CTSS: variants seen among roughly 807,000 people sequenced by gnomAD.
CTSS encodes cathepsin S.
A neutral mutation model predicts 39.9 loss-of-function variants in CTSS; 15 were observed. The ratio of observed to expected loss-of-function variants is 0.38; its 90% CI spans 0.25 to 0.58. The LOEUF is 0.58. Ranked by LOEUF, CTSS falls within the 20% of genes least tolerant of loss-of-function variation. CTSS has a pLI of 0.70. For synonymous variants in CTSS, 126 were observed against 138.2 expected, an observed-to-expected ratio of 0.91 and a Z score of 0.62; for missense variants, 250 against 398.2, an observed-to-expected ratio of 0.63 and a Z score of 3.17.
chr1:150,740,766 C>T (rs952533564), intron 7 of CTSS, among the ~76,000 whole-genome samples: 1 of 151,768 alleles, frequency 6.6e-6, no homozygotes, highest in African/African-American at 2.4e-5. Flanking sequence ...TCATGGCTCA[C>T]TCACAGCGGC....
chr1:150,740,438 T>C (rs1350929431), intron 7 of CTSS, among the ~76,000 whole-genome samples: 1 of 152,128 alleles, frequency 6.6e-6, no homozygotes, highest in Non-Finnish European at 1.5e-5. Flanking sequence ...GGCTGGAGTG[T>C]GGAGCGCAGT....
chr1:150,750,126 A>T lies in CTSS; in HGVS notation c.673T>A (p.Ser225Thr). ...CCATAAGGAAGTTCAGTGTACTTTG[A>T]ACATGTGGCAGCACGATATTTTGAG... ...YDSKYRAATCSKYTELPYGRE... is the reference protein window; with the variant it reads ...YDSKYRAATCTKYTELPYGRE... The change falls in exon 6 of 8, where the codon TCA (serine) becomes ACA (threonine). Residue 225 changes from serine (S) to threonine (T), a missense_variant. Physicochemically the swap from Ser to Thr is moderately conservative, Grantham distance 58. Transcript: ENST00000368985. 3.1e-6 allele frequency: 5 copies of T among 1,613,728 alleles called. No homozygotes were observed. The highest frequency in any genetic ancestry group is 4.2e-6 in the Non-Finnish European group (5 of 1,179,726).
At chr1:150,743,588 T>A (rs1652817101) in intron 7 of CTSS, among the ~76,000 whole-genome samples, 1 of 114,634 alleles carries the variant, frequency 8.7e-6, no homozygotes, top group African/African-American at 3.0e-5. Flanking sequence ...ATTATATATG[T>A]ATATTATGTA....
chr1:150,740,929 C>A (rs145725154), intron 7 of CTSS, among the ~76,000 whole-genome samples: 115 of 152,088 alleles, frequency 7.6e-4, no homozygotes, highest in African/African-American at 2.7e-3. Flanking sequence ...CTCAAGCGAT[C>A]CTCCCAGTTC....
chr1:150,745,975 C>T (rs958210884), intron 7 of CTSS, among the ~76,000 whole-genome samples: 2 of 152,056 alleles, frequency 1.3e-5, no homozygotes, highest in Admixed American at 6.6e-5. Context: ...CCTTTGATTC[C>T]CAGAATCTGT....
chr1:150,751,699 G>C, intron 5 of CTSS, 82 bp downstream of exon 5: 1 of 1,214,390 alleles, frequency 8.2e-7, no homozygotes. Flanking sequence ...TCAAGCAATT[G>C]GCATGGTGGC....
Position 150,757,880 on chromosome 1 carries a change from C to T in CTSS, c.227G>A (p.Gly76Asp), listed in dbSNP as rs867090605. The T allele has an allele frequency of 6.2e-7, 1 of 1,613,720 alleles. No homozygotes were observed. Among genetic ancestry groups the T allele is most frequent in the Non-Finnish European group, 8.5e-7 (1 of 1,179,794 alleles). ...TACCATGTCTCCCAGGTGGTTCATG[C>T]CCAGATCGTATGAGTGCATTCCCAT... ...HSMGMHSYDLGMNHLGDMTSE... is the reference protein window; with the variant it reads ...HSMGMHSYDLDMNHLGDMTSE... Residue 76 changes from glycine (G) to aspartate (D), a missense_variant, in exon 3 of 8, where the codon GGC (glycine) becomes GAC (aspartate). Coordinates refer to ENST00000368985, the MANE Select transcript of CTSS (RefSeq NM_004079.5).
At chr1:150,749,419 C>T (rs1210629198) in intron 6 of CTSS, among the ~76,000 whole-genome samples, 1 of 152,162 alleles carries the variant, frequency 6.6e-6, no homozygotes. Context: ...CCCAGCATGC[C>T]TTTACGCCAA....
At chr1:150,747,562 C>G (rs587635765) in intron 7 of CTSS, among the ~76,000 whole-genome samples, 3 of 151,966 alleles carry the variant, frequency 2.0e-5, no homozygotes, top group Non-Finnish European at 4.4e-5. Flanking sequence ...AGAAGTAGTA[C>G]AGAAGATAAA....
intron 4 of CTSS, among the ~76,000 whole-genome samples, chr1:150,753,642 A>G (rs149393808): frequency 9.8e-5 from 15 of 152,302 alleles, no homozygotes; most frequent in Non-Finnish European, 2.1e-4. Context: ...AGGTGGCTCT[A>G]TGATCACTTA....
rs113003008 is a variant in CTSS at position 150,730,436 on chromosome 1, G to T, written c.*2610C>A. 1 of 152,264 alleles carries T rather than the reference G, an allele frequency of 6.6e-6. No individual in the cohort carries two copies. Among genetic ancestry groups the T allele is most frequent in the Non-Finnish European group, 1.5e-5 (1 of 68,016 alleles). The allele number at this position is 152,264 out of a possible 1,614,324, so 9.4% of individuals were successfully genotyped here. On this transcript the variant is annotated 3_prime_UTR_variant, in exon 8 of 8. Transcript: ENST00000368985. The stretch of plus-strand genomic sequence containing the variant: ...GTGTCCCTGTGCTTTTGGAGGTAAG[G>T]ATGCTCCTTTTCTCTGGGTGCCAGG...
rs996637197 is a variant in CTSS, at chr1:150,730,859, G to A, written c.*2187C>T. 6.7e-5 allele frequency: 10 copies of A among 149,716 alleles called. No homozygotes were observed. The highest frequency in any genetic ancestry group is 3.4e-3 in the Middle Eastern group (1 of 292). The allele number at this position is 149,716 out of a possible 1,614,324, so 9.3% of individuals were successfully genotyped here. A position where few individuals can be genotyped will look rare whatever the true frequency, so the allele number is the denominator to read the frequency against. On this transcript the variant is annotated 3_prime_UTR_variant, in exon 8 of 8. Transcript: ENST00000368985. Reference sequence around the variant, plus strand: ...GGATAGCTATTAACTCTTATTTAATGCATTTATAAAGAAGCATGCATATTA... The same window carrying A: ...GGATAGCTATTAACTCTTATTTAATACATTTATAAAGAAGCATGCATATTA...
chr1:150,743,580 T>A (rs1652816002), intron 7 of CTSS, among the ~76,000 whole-genome samples: 2 of 124,148 alleles, frequency 1.6e-5, no homozygotes, highest in South Asian at 4.6e-4. Context: ...CATAATATAT[T>A]ATATATGTAT....
intron 7 of CTSS, among the ~76,000 whole-genome samples, chr1:150,744,604 GTAT>G (rs1300085739): frequency 8.9e-6 from 1 of 112,548 alleles, no homozygotes; most frequent in Non-Finnish European, 1.7e-5. Context: ...TGTATATTAT[GTAT>G]TATATTATAT....
intron 7 of CTSS, among the ~76,000 whole-genome samples, chr1:150,737,516 G>C (rs967121645): frequency 6.6e-6 from 1 of 152,084 alleles, no homozygotes; most frequent in Non-Finnish European, 1.5e-5. Flanking sequence ...AGAAAGCCTC[G>C]TAGCCCTTAG....
chr1:150,733,180 C>G, intron 7 of CTSS, 35 bp from the exon 8 acceptor site: 2 of 1,474,134 alleles, frequency 1.4e-6, no homozygotes. Context: ...ATTACAAATG[C>G]GTACAATCAA....
At position 150,732,958 on chromosome 1, in the gene CTSS, C is replaced by T; in HGVS notation, c.*88G>A. The T allele has an allele frequency of 1.1e-6, 1 of 938,536 alleles. No individual in the cohort carries two copies. The highest frequency in any genetic ancestry group is 1.5e-5 in the South Asian group (1 of 68,034). 58.1% of individuals were successfully genotyped at this position (938,536 alleles called of 1,614,324 possible). A position where few individuals can be genotyped will look rare whatever the true frequency, so the allele number is the denominator to read the frequency against. The stretch of plus-strand genomic sequence containing the variant: ...CAGTAAATACACATTAATCATGACA[C>T]AATTATTTCTTCTGGATACAGCAGG... On this transcript the variant is annotated 3_prime_UTR_variant, in exon 8 of 8. Transcript: ENST00000368985.
chr1:150,747,008 A>G (rs1652907172), intron 7 of CTSS, among the ~76,000 whole-genome samples: 1 of 152,186 alleles, frequency 6.6e-6, no homozygotes, highest in African/African-American at 2.4e-5. Flanking sequence ...GAAAATAGAG[A>G]GTAAAGGAGA....
intron 7 of CTSS, among the ~76,000 whole-genome samples, chr1:150,744,505 AT>A (rs1354507935): frequency 1.7e-5 from 1 of 59,336 alleles, no homozygotes; most frequent in African/African-American, 5.3e-5. Flanking sequence ...TACATAATAT[AT>A]TATATATTAT....
Sources: allele counts gnomAD v4.1 joint callset (sites outside exome capture counted in the v4.1 genomes callset), GRCh38; gene constraint gnomAD v4.1.1; transcripts MANE v1.5; gene names NCBI Gene and HGNC (gene_info 2026-07-23, HGNC 2026-07-21).